The following FMNL2 variants were observed in gnomAD, a reference collection of about 807,000 sequenced individuals.
FMNL2 encodes the protein formin like 2.
FMNL2 carries 51 observed loss-of-function variants against 130.2 expected under a neutral mutation model. That is an observed-to-expected ratio of 0.39 (90% CI 0.31 to 0.49). The LOEUF (loss-of-function observed/expected upper bound fraction) is 0.49, where lower values mean the gene tolerates loss of function less well. Among genes scored for constraint, FMNL2 ranks in the 20% least tolerant of loss-of-function variants. The pLI is 0.85. For synonymous variants in FMNL2, 465 were observed against 467.1 expected, an observed-to-expected ratio of 1.00 and a Z score of 0.06; for missense variants, 977 against 1,316.2, an observed-to-expected ratio of 0.74 and a Z score of 3.99.
At chr2:152,369,272 A>G (rs532732649) in intron 1 of FMNL2, among the ~76,000 whole-genome samples, 6 of 152,246 alleles carry the variant, frequency 3.9e-5, no homozygotes, top group South Asian at 2.1e-4. Flanking sequence ...ATTGCTTCCT[A>G]TCACATTTAC....
chr2:152,400,495 A>C (rs919177639), intron 1 of FMNL2, among the ~76,000 whole-genome samples: 3 of 152,216 alleles, frequency 2.0e-5, no homozygotes, highest in African/African-American at 7.2e-5. Flanking sequence ...CAAGGGAAGC[A>C]GGCAGAGGGT....
chr2:152,371,668 CAA>C (rs71394476), intron 1 of FMNL2, among the ~76,000 whole-genome samples: 15 of 66,208 alleles, frequency 2.3e-4, no homozygotes, highest in South Asian at 5.2e-4. Context: ...GACTCTGTCT[CAA>C]AAAAAAAAAA....
chr2:152,550,756 A>C (rs541208967), intron 4 of FMNL2, among the ~76,000 whole-genome samples: 1 of 152,334 alleles, frequency 6.6e-6, no homozygotes, highest in Admixed American at 6.5e-5. Flanking sequence ...GCTAGATTCG[A>C]TTTTGTTTGG....
intron 1 of FMNL2, among the ~76,000 whole-genome samples, chr2:152,424,104 T>G (rs1446048882): frequency 6.6e-6 from 1 of 152,190 alleles, no homozygotes; most frequent in Non-Finnish European, 1.5e-5. Flanking sequence ...TCTCTGAATT[T>G]GGAAGATAGC....
At chr2:152,512,982 A>G (rs1387105162) in intron 1 of FMNL2, among the ~76,000 whole-genome samples, 1 of 152,238 alleles carries the variant, frequency 6.6e-6, no homozygotes, top group African/African-American at 2.4e-5. Flanking sequence ...AACACCCTCC[A>G]ACATATGTAA....
At chr2:152,601,460 C>G (rs113355184) in intron 9 of FMNL2, among the ~76,000 whole-genome samples, 11 of 151,772 alleles carry the variant, frequency 7.2e-5, no homozygotes, top group African/African-American at 2.4e-4. Flanking sequence ...GCCACGACGC[C>G]CAGCTAATTT....
At chr2:152,593,616 G>A (rs951495323) in intron 9 of FMNL2, among the ~76,000 whole-genome samples, 2 of 152,154 alleles carry the variant, frequency 1.3e-5, no homozygotes, top group Admixed American at 6.5e-5. Context: ...GAATGGACAC[G>A]AGGAGAATAA....
intron 1 of FMNL2, among the ~76,000 whole-genome samples, chr2:152,438,578 C>G (rs1009513258): frequency 3.3e-5 from 5 of 151,948 alleles, no homozygotes; most frequent in Admixed American, 6.6e-5. Flanking sequence ...AATGTCAGCT[C>G]GGGTGTTTTG....
intron 1 of FMNL2, among the ~76,000 whole-genome samples, chr2:152,450,127 AAT>A (rs1476118865): frequency 6.6e-6 from 1 of 152,248 alleles, no homozygotes; most frequent in African/African-American, 2.4e-5. Flanking sequence ...AACTAATTTT[AAT>A]ATTTGCATTA....
chr2:152,609,784 A>G (rs1419620936), intron 10 of FMNL2, among the ~76,000 whole-genome samples: 1 of 152,176 alleles, frequency 6.6e-6, no homozygotes, highest in Non-Finnish European at 1.5e-5. Flanking sequence ...GATAAAGGAA[A>G]TTAGGTTTGG....
rs1050746325 is a variant in FMNL2 at position 152,590,626 on chromosome 2, A to G, written c.876+9577A>G. ...AAGACTCTGTCTTTAAAAAAAAAAAACCTGTAGGTTCAACTATAGCTGTTC... is the reference window on the plus strand; with the variant it reads ...AAGACTCTGTCTTTAAAAAAAAAAAGCCTGTAGGTTCAACTATAGCTGTTC... On this transcript the variant is annotated intron_variant, in intron 9 of 25. Transcript: ENST00000288670. 4.0e-5 allele frequency among the ~76,000 whole-genome samples: 6 copies of G among 151,864 alleles called. No individual in the cohort carries two copies. The South Asian group carries it at 1.2e-3, about 32-fold the overall frequency.
At chr2:152,521,826 A>C (rs1402941489) in intron 1 of FMNL2, 117 bp from the exon 2 acceptor site, 2 of 779,074 alleles carry the variant, frequency 2.6e-6, no homozygotes. Flanking sequence ...GATACTAGGA[A>C]TTGAGAGAAA....
intron 25 of FMNL2, among the ~76,000 whole-genome samples, chr2:152,642,105 T>C (rs968604309): frequency 2.3e-4 from 35 of 152,092 alleles, no homozygotes; most frequent in Non-Finnish European, 4.9e-4. Context: ...CACGCCTGGA[T>C]AATTTTTTGT....
At chr2:152,636,089 T>G (rs528140094) in intron 21 of FMNL2, among the ~76,000 whole-genome samples, 15 of 152,302 alleles carry the variant, frequency 9.8e-5, no homozygotes, top group Non-Finnish European at 2.1e-4. Flanking sequence ...GGAATAGTTT[T>G]GTGCAAGTGT....
chr2:152,569,092 C>A (rs1349303922), intron 6 of FMNL2, among the ~76,000 whole-genome samples: 1 of 134,584 alleles, frequency 7.4e-6, no homozygotes, highest in Non-Finnish European at 1.5e-5. Flanking sequence ...AATTTTGTAG[C>A]TTCCCCCCCC....
chr2:152,401,395 G>A (rs1685685453), intron 1 of FMNL2, among the ~76,000 whole-genome samples: 1 of 152,164 alleles, frequency 6.6e-6, no homozygotes, highest in South Asian at 2.1e-4. Context: ...CAGTCCTAGT[G>A]GTTTCTGCAT....
intron 1 of FMNL2, among the ~76,000 whole-genome samples, chr2:152,494,740 A>G (rs184674597): frequency 6.6e-6 from 1 of 152,118 alleles, no homozygotes; most frequent in African/African-American, 2.4e-5. Flanking sequence ...AAAAAGTTAG[A>G]TGTAGTGGTC....
intron 1 of FMNL2, among the ~76,000 whole-genome samples, chr2:152,429,215 CAA>C (rs3047928): frequency 0.29 from 27,681 of 95,700 alleles, 2,683 homozygotes; most frequent in East Asian, 0.45. Flanking sequence ...CTTAGAGGAA[CAA>C]AAAAAAAAAA....
chr2:152,355,973 C>T (rs1295549567), intron 1 of FMNL2, among the ~76,000 whole-genome samples: 1 of 152,158 alleles, frequency 6.6e-6, no homozygotes, highest in Non-Finnish European at 1.5e-5. Flanking sequence ...GAAAATTACC[C>T]CGAATTGGCA....
Sources: gnomAD v4.1 joint callset for allele counts (sites outside exome capture counted in the v4.1 genomes callset) on GRCh38, gnomAD v4.1.1 for gene constraint, MANE v1.5 for transcripts, NCBI Gene and HGNC (gene_info 2026-07-23, HGNC 2026-07-21) for gene names.